The following IMPG1 variants were observed in gnomAD, a reference collection of about 807,000 sequenced individuals.
IMPG1 encodes interphotoreceptor matrix proteoglycan 1.
In IMPG1, 85 loss-of-function variants were observed where a neutral mutation model predicts 92.0. The observed-to-expected ratio is 0.92, with a 90% CI of 0.78 to 1.11. The LOEUF is 1.11. IMPG1 is among the 50% of genes least tolerant of loss of function. The pLI, the probability that IMPG1 is intolerant of heterozygous loss-of-function variation, is 0.00. For synonymous variants in IMPG1, 367 were observed against 334.1 expected (o/e 1.10, Z -1.08); for missense variants, 1,022 against 956.0 (o/e 1.07, Z -0.91).
intron 12 of IMPG1, among the ~76,000 whole-genome samples, chr6:75,992,586 T>C (rs993706516): frequency 1.3e-5 from 2 of 152,126 alleles, no homozygotes; most frequent in African/African-American, 4.8e-5. Flanking sequence ...CAGAACAAAA[T>C]CCTCCACTTT....
At chr6:75,933,167 A>G (rs1781691157) in intron 14 of IMPG1, among the ~76,000 whole-genome samples, 1 of 152,196 alleles carries the variant, frequency 6.6e-6, no homozygotes, top group African/African-American at 2.4e-5. Flanking sequence ...AAGGGGGCAA[A>G]GAGACTTGAG....
chr6:75,925,189 A>G (rs751007045), intron 15 of IMPG1, among the ~76,000 whole-genome samples: 1 of 152,176 alleles, frequency 6.6e-6, no homozygotes, highest in Non-Finnish European at 1.5e-5. Context: ...ATCATTGCAC[A>G]ATGTATACAT....
chr6:75,961,023 C>T (rs1163525874), intron 12 of IMPG1, among the ~76,000 whole-genome samples: 1 of 152,098 alleles, frequency 6.6e-6, no homozygotes, highest in African/African-American at 2.4e-5. Flanking sequence ...ATGGTCCAAC[C>T]CAAAGTAGAT....
At chr6:76,056,739 A>T (rs936529026) in intron 1 of IMPG1, among the ~76,000 whole-genome samples, 2 of 152,190 alleles carry the variant, frequency 1.3e-5, no homozygotes, top group African/African-American at 4.8e-5. Context: ...GTGAGGTAAT[A>T]GCTCATTGTG....
intron 1 of IMPG1, among the ~76,000 whole-genome samples, chr6:76,059,216 A>G (rs1421797926): frequency 3.9e-5 from 6 of 151,916 alleles, no homozygotes; most frequent in African/African-American, 1.5e-4. Context: ...GATATTTTTG[A>G]GGGGGGTGGT....
At chr6:76,071,247 T>A (rs900354859) in intron 1 of IMPG1, among the ~76,000 whole-genome samples, 1 of 149,532 alleles carries the variant, frequency 6.7e-6, no homozygotes, top group African/African-American at 2.4e-5. Flanking sequence ...ATAGAAAAAA[T>A]CGTTAAATTA....
At chr6:76,047,072 A>G (rs188314404) in intron 1 of IMPG1, among the ~76,000 whole-genome samples, 55 of 152,340 alleles carry the variant, frequency 3.6e-4, no homozygotes, top group African/African-American at 1.2e-3. Flanking sequence ...TGGGTTAGAT[A>G]GAGTGTTTTT....
chr6:75,968,949 C>T (rs985805903), intron 12 of IMPG1, among the ~76,000 whole-genome samples: 1 of 151,902 alleles, frequency 6.6e-6, no homozygotes, highest in Non-Finnish European at 1.5e-5. Context: ...CGATGAATGA[C>T]TAAAGAAAAT....
intron 1 of IMPG1, among the ~76,000 whole-genome samples, chr6:76,067,820 C>A (rs1283577443): frequency 6.6e-6 from 1 of 151,992 alleles, no homozygotes; most frequent in African/African-American, 2.4e-5. Context: ...TCCAACAGCA[C>A]AAGAAAAAGA....
At chr6:75,961,025 A>G (rs1782205861) in intron 12 of IMPG1, among the ~76,000 whole-genome samples, 1 of 152,224 alleles carries the variant, frequency 6.6e-6, no homozygotes, top group South Asian at 2.1e-4. Flanking sequence ...GGTCCAACCC[A>G]AAGTAGATGA....
intron 8 of IMPG1, among the ~76,000 whole-genome samples, chr6:76,010,305 G>C (rs1783163376): frequency 6.6e-6 from 1 of 152,218 alleles, no homozygotes; most frequent in Non-Finnish European, 1.5e-5. Flanking sequence ...TTTGGGGCAA[G>C]AAATCTCATT....
intron 1 of IMPG1, among the ~76,000 whole-genome samples, chr6:76,068,796 C>G (rs1226433191): frequency 1.3e-5 from 2 of 151,884 alleles, no homozygotes; most frequent in Admixed American, 1.3e-4. Flanking sequence ...GGATTACAAG[C>G]GTGAGCCAAC....
rs187342491 is a variant in IMPG1, at chr6:75,945,208, G to A, written c.2044+2106C>T. Reference sequence around the variant, plus strand: ...AAGCAGGTCACAAATTGATAGTCAAGTTAATTATGACAATGTTGCAATAGT... The same window carrying A: ...AAGCAGGTCACAAATTGATAGTCAAATTAATTATGACAATGTTGCAATAGT... On this transcript the variant is annotated intron_variant, in intron 14 of 16. Coordinates refer to ENST00000369950, the MANE Select transcript of IMPG1 (RefSeq NM_001563.4). Among the ~76,000 whole-genome samples the A allele has an allele frequency of 1.7e-3, 259 of 152,252 alleles. 1 individual carries two copies. Among genetic ancestry groups the A allele is most frequent in the African/African-American group, 5.9e-3 (247 of 41,540 alleles).
At chr6:76,018,109 G>A (rs1403562366) in intron 7 of IMPG1, among the ~76,000 whole-genome samples, 1 of 152,146 alleles carries the variant, frequency 6.6e-6, no homozygotes, top group Non-Finnish European at 1.5e-5. Context: ...TTGGTGGAGG[G>A]TATATTCCAA....
intron 14 of IMPG1, among the ~76,000 whole-genome samples, chr6:75,945,912 G>A (rs951303499): frequency 6.6e-6 from 1 of 152,128 alleles, no homozygotes; most frequent in African/African-American, 2.4e-5. Context: ...GGCTCCTCAC[G>A]TTGACCTTCT....
intron 12 of IMPG1, among the ~76,000 whole-genome samples, chr6:75,970,189 T>A (rs1286931622): frequency 1.3e-5 from 2 of 152,332 alleles, no homozygotes; most frequent in Non-Finnish European, 2.9e-5. Flanking sequence ...TCCTACTTGA[T>A]GTTAATTTTT....
chr6:76,005,508 G>A lies in IMPG1; in HGVS notation c.914C>T (p.Thr305Met), dbSNP rs370162508. 5.5e-5 allele frequency: 88 copies of A among 1,613,832 alleles called. 1 individual carries two copies. The highest frequency in any genetic ancestry group is 6.3e-5 in the Non-Finnish European group (74 of 1,179,870). ...DGSSSTEMQL[T>M]AIFKRHSAEA... ...TGCACTGTGTCTCTTAAAGATGGCC[G>A]TAAGTTGCATCTCTGTGGAGCTTGA... Residue 305 changes from threonine to methionine, a missense_variant, in exon 10 of 17, where the codon ACG becomes ATG. Transcript: ENST00000369950.
intron 12 of IMPG1, among the ~76,000 whole-genome samples, chr6:75,974,486 T>A (rs1244380975): frequency 1.3e-5 from 2 of 148,592 alleles, no homozygotes; most frequent in African/African-American, 2.5e-5. Flanking sequence ...TCTTTTCTTT[T>A]TTTTTTTTTG....
At chr6:76,065,553 AG>A (rs981165588) in intron 1 of IMPG1, among the ~76,000 whole-genome samples, 32 of 152,228 alleles carry the variant, frequency 2.1e-4, no homozygotes, top group Admixed American at 4.6e-4. Context: ...AATTTTAAAA[AG>A]GACAAAGCCT....
Sources: allele counts gnomAD v4.1 joint callset (sites outside exome capture counted in the v4.1 genomes callset), GRCh38; gene constraint gnomAD v4.1.1; transcripts MANE v1.5; gene names NCBI Gene and HGNC (gene_info 2026-07-23, HGNC 2026-07-21).